Variants in PCDHGA5 observed in about 807,000 individuals in gnomAD.
PCDHGA5 encodes protocadherin gamma-A5.
In PCDHGA5, 36 loss-of-function variants were observed where a neutral mutation model predicts 56.7. That is an observed-to-expected ratio of 0.64 (90% confidence interval 0.49 to 0.84). The LOEUF (loss-of-function observed/expected upper bound fraction) is 0.84, where lower values mean the gene tolerates loss of function less well. Ranked by LOEUF, PCDHGA5 falls within the 40% of genes least tolerant of loss-of-function variation. The probability of loss-of-function intolerance (pLI) is 0.00; values close to 1 mark genes in which losing one functional copy is unlikely to be tolerated. For synonymous variants in PCDHGA5, 563 were observed against 520.2 expected, an observed-to-expected ratio of 1.08 and a Z score of -1.12; for missense variants, 1,305 against 1,201.5, an observed-to-expected ratio of 1.09 and a Z score of -1.27.
chr5:141,499,565 C>T (rs1291006795), intron 2 of PCDHGA5, among the ~76,000 whole-genome samples: 1 of 152,168 alleles, frequency 6.6e-6, no homozygotes, highest in East Asian at 1.9e-4. Flanking sequence ...CACTATCCAG[C>T]TTCAACTAAT....
chr5:141,398,740 C>T, intron 1 of PCDHGA5: 1 of 1,613,864 alleles, frequency 6.2e-7, no homozygotes, highest in Non-Finnish European at 8.5e-7. Flanking sequence ...CCGGGAACAA[C>T]AGAGTTACCA....
chr5:141,477,171 TCA>T lies in PCDHGA5; in HGVS notation c.2422-17633_2422-17632del, dbSNP rs772104411. On this transcript the variant is annotated intron_variant, in intron 1 of 3. Transcript: ENST00000518069. This position sits in a 1 kb window ranked among gnomAD's most constrained non-coding sequence, Gnocchi z 4.9. ...GATGTGAATGACAACGCCCCGGAGA[TCA>T]CAGTCACCTCCGTGTACAGCCCAGT... 6.2e-7 allele frequency: 1 copy of T among 1,614,072 alleles called. No individual in the cohort carries two copies. Among genetic ancestry groups the T allele is most frequent in the Non-Finnish European group, 8.5e-7 (1 of 1,179,988 alleles).
At chr5:141,433,103 C>T (rs762225174) in intron 1 of PCDHGA5, 3 of 1,614,126 alleles carry the variant, frequency 1.9e-6, no homozygotes, top group Non-Finnish European at 2.5e-6. Flanking sequence ...GCTCGTCAGC[C>T]AGGAGAGCTT....
rs1763252394 is a variant in PCDHGA5 at position 141,364,277 on chromosome 5, A to G, written c.-54A>G. The G allele has an allele frequency of 1.3e-6, 2 of 1,515,318 alleles. No homozygotes were observed. The highest frequency in any genetic ancestry group is 2.3e-5 in the East Asian group (1 of 43,986). The allele number at this position is 1,515,318 out of a possible 1,614,324, so 93.9% of individuals were successfully genotyped here. A position where few individuals can be genotyped will look rare whatever the true frequency, so the allele number is the denominator to read the frequency against. ...ATGTACCCATCGGCTTTAGATAAAT[A>G]AGGAAACAGCAGGCTGAACCAGAAC... On this transcript the variant is annotated 5_prime_UTR_variant, in exon 1 of 4. The change creates a new upstream start codon in the 5' untranslated region. Transcript: ENST00000518069.
chr5:141,429,851 TC>T (rs1447325775), intron 1 of PCDHGA5, among the ~76,000 whole-genome samples: 2 of 152,224 alleles, frequency 1.3e-5, no homozygotes, highest in African/African-American at 4.8e-5. Context: ...TCTGTAACAT[TC>T]TTTGGACTAC....
chr5:141,413,739 C>A (rs748041372), intron 1 of PCDHGA5: 1 of 1,613,424 alleles, frequency 6.2e-7, no homozygotes, highest in South Asian at 1.1e-5. Context: ...GAGTTCAGAG[C>A]CGTGCCAATG....
intron 1 of PCDHGA5, chr5:141,389,977 C>T: frequency 6.2e-7 from 1 of 1,614,054 alleles, no homozygotes; most frequent in South Asian, 1.1e-5. Flanking sequence ...GCCTTGATCT[C>T]AGTGCTCTTC....
chr5:141,508,974 G>A (rs962653911), intron 3 of PCDHGA5, among the ~76,000 whole-genome samples: 2 of 152,128 alleles, frequency 1.3e-5, no homozygotes, highest in Non-Finnish European at 2.9e-5. Flanking sequence ...AAAGGGCTGG[G>A]GGTGGGGGCC....
intron 1 of PCDHGA5, chr5:141,408,869 A>G (rs754873472): frequency 1.9e-6 from 3 of 1,613,572 alleles, no homozygotes; most frequent in African/African-American, 2.7e-5. Flanking sequence ...CCCACCAAGA[A>G]GTGCCACCGC....
intron 1 of PCDHGA5, among the ~76,000 whole-genome samples, chr5:141,372,994 C>T (rs1769242152): frequency 6.6e-6 from 1 of 152,146 alleles, no homozygotes; most frequent in South Asian, 2.1e-4. Flanking sequence ...TGCAGTTGTT[C>T]TTTCATAGAA....
chr5:141,378,535 T>C (rs1235721694), intron 1 of PCDHGA5: 1 of 152,092 alleles, frequency 6.6e-6, no homozygotes, highest in Non-Finnish European at 1.5e-5. Context: ...AAAATAATAA[T>C]GATAATTAAT....
intron 1 of PCDHGA5, among the ~76,000 whole-genome samples, chr5:141,443,592 G>A (rs2098395439): frequency 6.6e-6 from 1 of 152,076 alleles, no homozygotes; most frequent in Admixed American, 6.6e-5. Context: ...AACAGAATGT[G>A]GTATATGAAA....
At chr5:141,421,974 C>T in intron 1 of PCDHGA5, 3 of 1,609,644 alleles carry the variant, frequency 1.9e-6, no homozygotes, top group African/African-American at 1.3e-5. Flanking sequence ...CCGTATATCG[C>T]GTGAGTGTTC....
At chr5:141,371,573 A>G in intron 1 of PCDHGA5, 1 of 1,613,948 alleles carries the variant, frequency 6.2e-7, no homozygotes, top group Non-Finnish European at 8.5e-7. Flanking sequence ...TCCCCTTTAA[A>G]ATCGTTCAAG....
chr5:141,394,013 T>C, intron 1 of PCDHGA5: 1 of 1,613,384 alleles, frequency 6.2e-7, no homozygotes, highest in Non-Finnish European at 8.5e-7. Flanking sequence ...CAATAGGTAA[T>C]TATTATAGAT....
In PCDHGA5 at chr5:141,376,165, G is replaced by A. The variant is rs181247360; in HGVS notation, c.2421+9414G>A. ...ATTCGGACCTCACTCTGTACCTGGT[G>A]GTGGCGGTGGCCGCGGTCTCCTGCG... On this transcript the variant is annotated intron_variant, in intron 1 of 3. Coordinates refer to ENST00000518069, the MANE Select transcript of PCDHGA5 (RefSeq NM_018918.3). 5.0e-5 allele frequency: 80 copies of A among 1,614,136 alleles called. No individual in the cohort carries two copies. In the East Asian group the frequency reaches 1.2e-3, roughly 25 times the overall value.
chr5:141,400,734 G>A, intron 1 of PCDHGA5: 1 of 634,548 alleles, frequency 1.6e-6, no homozygotes, highest in Non-Finnish European at 2.7e-6. Flanking sequence ...AAAGTAGTGA[G>A]AGTTTGCTCT....
At chr5:141,456,912 G>A (rs566842808) in intron 1 of PCDHGA5, among the ~76,000 whole-genome samples, 2 of 152,206 alleles carry the variant, frequency 1.3e-5, no homozygotes, top group South Asian at 2.1e-4. Context: ...GCAGTGAGCC[G>A]AGATCGCACC....
chr5:141,498,807 C>G (rs113587634), intron 2 of PCDHGA5, among the ~76,000 whole-genome samples: 1 of 152,030 alleles, frequency 6.6e-6, no homozygotes, highest in Non-Finnish European at 1.5e-5. Flanking sequence ...GTGGTGCACA[C>G]CTGTAGTCCC....
Sources: gnomAD v4.1 joint callset for allele counts (sites outside exome capture counted in the v4.1 genomes callset) on GRCh38, gnomAD v4.1.1 for gene constraint, Gnocchi (gnomAD v3.1) non-coding constraint, MANE v1.5 for transcripts, NCBI Gene and HGNC (gene_info 2026-07-23, HGNC 2026-07-21) for gene names.